DNAJC3: variants seen among roughly 807,000 people sequenced by gnomAD.
DNAJC3 encodes the protein dnaJ homolog subfamily C member 3.
In DNAJC3, 38 loss-of-function variants were observed where a neutral mutation model predicts 68.6. The ratio of observed to expected loss-of-function variants is 0.55; its 90% CI spans 0.43 to 0.73. The LOEUF (loss-of-function observed/expected upper bound fraction) is 0.73, where lower values mean the gene tolerates loss of function less well. DNAJC3 is among the 30% of genes least tolerant of loss of function. DNAJC3 has a pLI of 0.00. For missense variants in DNAJC3, 526 were observed against 591.9 expected (o/e 0.89, Z 1.16); for synonymous variants, 203 against 204.0 (o/e 1.00, Z 0.04).
intron 11 of DNAJC3, 130 bp from the exon 12 acceptor site, chr13:95,790,743 C>T (rs902725124): frequency 9.5e-6 from 10 of 1,053,368 alleles, no homozygotes; most frequent in South Asian, 4.7e-5. Context: ...GAATGTCAGG[C>T]ACAACTCTTG....
At chr13:95,731,859 T>C (rs996392996) in intron 4 of DNAJC3, among the ~76,000 whole-genome samples, 1 of 151,274 alleles carries the variant, frequency 6.6e-6, no homozygotes, top group Non-Finnish European at 1.5e-5. Flanking sequence ...CTGAGCCTCC[T>C]GAGTAGCTGG....
At chr13:95,740,303 G>A (rs1380582979) in intron 4 of DNAJC3, among the ~76,000 whole-genome samples, 1 of 152,250 alleles carries the variant, frequency 6.6e-6, no homozygotes, top group Non-Finnish European at 1.5e-5. Context: ...AGCCTACAGA[G>A]GCAGGCAGGC....
chr13:95,764,373 CTCTA>C (rs1332311685), intron 9 of DNAJC3, among the ~76,000 whole-genome samples: 1,554 of 128,820 alleles, frequency 0.012, 14 homozygotes, highest in Non-Finnish European at 0.016. Flanking sequence ...CTCTCTCTCT[CTCTA>C]TATATATATA....
intron 1 of DNAJC3, 117 bp downstream of exon 1, chr13:95,677,454 G>A: frequency 9.5e-7 from 1 of 1,056,566 alleles, no homozygotes; most frequent in South Asian, 1.9e-5. Flanking sequence ...CGAGCGCTGG[G>A]GGAGCCCGCG....
chr13:95,754,147 A>G (rs1812484398), intron 4 of DNAJC3, among the ~76,000 whole-genome samples: 2 of 152,206 alleles, frequency 1.3e-5, no homozygotes, highest in Admixed American at 6.5e-5. Flanking sequence ...CTGCAGGGTC[A>G]TGGCCTACAG....
intron 9 of DNAJC3, among the ~76,000 whole-genome samples, chr13:95,784,348 G>A (rs1883534699): frequency 6.6e-6 from 1 of 152,082 alleles, no homozygotes; most frequent in Non-Finnish European, 1.5e-5. Flanking sequence ...CAGTGAAAAA[G>A]CAAAGTCAGC....
intron 1 of DNAJC3, among the ~76,000 whole-genome samples, chr13:95,690,529 G>A (rs1880202547): frequency 6.6e-6 from 1 of 151,496 alleles, no homozygotes; most frequent in South Asian, 2.1e-4. Context: ...TGGTGGCCGG[G>A]CAGAGGGGCT....
chr13:95,685,021 C>G (rs745579242), intron 1 of DNAJC3, among the ~76,000 whole-genome samples: 5 of 152,230 alleles, frequency 3.3e-5, no homozygotes, highest in Admixed American at 6.5e-5. Context: ...GGGGTTGGAG[C>G]CCCCAACAGA....
At position 95,792,912 on chromosome 13, in the gene DNAJC3, A is replaced by AGAGT. The variant is rs1354520209; in HGVS notation, c.*1883_*1886dup. The AGAGT allele has an allele frequency of 3.3e-5, 5 of 152,184 alleles. No individual in the cohort carries two copies. The highest frequency in any genetic ancestry group is 4.8e-5 in the African/African-American group (2 of 41,440). The allele number at this position is 152,184 out of a possible 1,614,324, so 9.4% of individuals were successfully genotyped here. A position where few individuals can be genotyped will look rare whatever the true frequency, so the allele number is the denominator to read the frequency against. The stretch of plus-strand genomic sequence containing the variant: ...CCTACTTTGAAAAGAATTTTCACAT[A>AGAGT]GAGTCAGAAAAAAAAGGAAATATCA... On this transcript the variant is annotated 3_prime_UTR_variant, in exon 12 of 12. Transcript: ENST00000602402.
chr13:95,780,158 T>C (rs1379734625), intron 9 of DNAJC3, among the ~76,000 whole-genome samples: 5 of 152,200 alleles, frequency 3.3e-5, no homozygotes, highest in African/African-American at 1.2e-4. Context: ...TCTCTACTTC[T>C]CTGCACCAAA....
At chr13:95,783,121 G>GT (rs935281674) in intron 9 of DNAJC3, among the ~76,000 whole-genome samples, 10 of 151,964 alleles carry the variant, frequency 6.6e-5, no homozygotes, top group Admixed American at 2.6e-4. Context: ...GTTTTGTTTT[G>GT]TTTTTTTAGA....
chr13:95,750,349 G>A (rs1316234082), intron 4 of DNAJC3, among the ~76,000 whole-genome samples: 1 of 151,630 alleles, frequency 6.6e-6, no homozygotes, highest in Non-Finnish European at 1.5e-5. Flanking sequence ...TGCCCTTTAA[G>A]GTTTTAGGTT....
intron 7 of DNAJC3, among the ~76,000 whole-genome samples, chr13:95,762,423 A>G (rs1375929879): frequency 6.6e-6 from 1 of 152,162 alleles, no homozygotes; most frequent in Admixed American, 6.5e-5. Flanking sequence ...AACAAAAAAA[A>G]AGAACCCAGG....
chr13:95,763,296 G>T (rs1882877886), intron 7 of DNAJC3, among the ~76,000 whole-genome samples: 1 of 152,162 alleles, frequency 6.6e-6, no homozygotes, highest in Admixed American at 6.5e-5. Context: ...ATTGTTCAAG[G>T]TGCTCAGTGT....
intron 4 of DNAJC3, among the ~76,000 whole-genome samples, chr13:95,740,023 TTCTAACAGAGAGGACCCTTAGCTGCAGG>T (rs1258366154): frequency 6.6e-6 from 1 of 152,146 alleles, no homozygotes; most frequent in Non-Finnish European, 1.5e-5. Context: ...TTAGTTTTCC[TTCTAACAGAGAGGACCCTTAGCTGCAGG>T]TCTGTTGGAA....
At chr13:95,708,330 C>T (rs1880830097) in intron 1 of DNAJC3, among the ~76,000 whole-genome samples, 1 of 152,198 alleles carries the variant, frequency 6.6e-6, no homozygotes, top group South Asian at 2.1e-4. Context: ...GATAATTGGC[C>T]TAGTCCATCA....
chr13:95,740,766 C>T (rs1041316190), intron 4 of DNAJC3, among the ~76,000 whole-genome samples: 3 of 151,870 alleles, frequency 2.0e-5, no homozygotes, highest in Non-Finnish European at 4.4e-5. Context: ...AGAAATCACC[C>T]GTCTTCTGCG....
At chr13:95,682,017 C>T (rs1879927731) in intron 1 of DNAJC3, among the ~76,000 whole-genome samples, 1 of 152,208 alleles carries the variant, frequency 6.6e-6, no homozygotes, top group Non-Finnish European at 1.5e-5. Context: ...CATTTCCTCT[C>T]ACCTTCTGAA....
Position 95,677,239 on chromosome 13 carries a change from C to T in DNAJC3, c.-17C>T, listed in dbSNP as rs754517146. 5 of 1,600,238 alleles carry T rather than the reference C, an allele frequency of 3.1e-6. No homozygotes were observed. In the South Asian group the frequency reaches 4.5e-5, roughly 14 times the overall value. ...GGCCACACACCTTTCCTCCTCTTCACTCGCGAGCCCTCGGACATGGTGGCC... is the reference window on the plus strand; with the variant it reads ...GGCCACACACCTTTCCTCCTCTTCATTCGCGAGCCCTCGGACATGGTGGCC... On this transcript the variant is annotated 5_prime_UTR_variant, in exon 1 of 12. Coordinates refer to ENST00000602402, the MANE Select transcript of DNAJC3 (RefSeq NM_006260.5).
Sources: allele counts gnomAD v4.1 joint callset (sites outside exome capture counted in the v4.1 genomes callset), GRCh38; gene constraint gnomAD v4.1.1; transcripts MANE v1.5; gene names NCBI Gene and HGNC (gene_info 2026-07-23, HGNC 2026-07-21).